The following MMP26 variants were observed in gnomAD, a reference collection of about 807,000 sequenced individuals.
MMP26 encodes matrix metalloproteinase-26.
In MMP26, 33 loss-of-function variants were observed where a neutral mutation model predicts 31.0. The observed-to-expected ratio is 1.06, with a 90% CI of 0.81 to 1.42. The LOEUF (loss-of-function observed/expected upper bound fraction) is 1.42. Ranked by LOEUF, MMP26 falls within the 40% of genes most tolerant of loss-of-function variation. MMP26 has a pLI of 0.00. For synonymous variants in MMP26, 122 were observed against 114.9 expected (o/e 1.06, Z -0.40); for missense variants, 347 against 316.1 (o/e 1.10, Z -0.74).
At chr11:4,792,585 G>C (rs1220574540) in intron 2 of MMP26, among the ~76,000 whole-genome samples, 1 of 152,132 alleles carries the variant, frequency 6.6e-6, no homozygotes, top group Non-Finnish European at 1.5e-5. Context: ...CAGAATAAGA[G>C]AACACACACC....
At chr11:4,746,512 C>A (rs892841722) in intron 1 of MMP26, among the ~76,000 whole-genome samples, 2 of 152,086 alleles carry the variant, frequency 1.3e-5, no homozygotes, top group Non-Finnish European at 2.9e-5. Context: ...ACAGTAGGCG[C>A]TAAATACATG....
At chr11:4,903,190 TCGGA>T (rs1850828557) in intron 2 of MMP26, among the ~76,000 whole-genome samples, 1 of 152,114 alleles carries the variant, frequency 6.6e-6, no homozygotes, top group Non-Finnish European at 1.5e-5. Context: ...AGGATACTCC[TCGGA>T]CGGTTCTAGT....
intron 2 of MMP26, among the ~76,000 whole-genome samples, chr11:4,896,066 C>T (rs567086247): frequency 6.7e-6 from 1 of 149,636 alleles, no homozygotes; most frequent in South Asian, 2.1e-4. Context: ...TTGTTTTTTA[C>T]CTCTAAGTTC....
chr11:4,823,983 T>A (rs1436050581), intron 2 of MMP26, among the ~76,000 whole-genome samples: 2 of 152,180 alleles, frequency 1.3e-5, no homozygotes, highest in African/African-American at 4.8e-5. Context: ...TAACCTTAGA[T>A]AACCTATATA....
intron 2 of MMP26, chr11:4,768,905 G>C: frequency 1.1e-6 from 1 of 922,836 alleles, no homozygotes; most frequent in Non-Finnish European, 1.6e-6. Flanking sequence ...GCAATAGGCA[G>C]TAAGAGAGCA....
chr11:4,864,854 A>G (rs1250691334), intron 2 of MMP26, among the ~76,000 whole-genome samples: 1 of 152,102 alleles, frequency 6.6e-6, no homozygotes, highest in African/African-American at 2.4e-5. Flanking sequence ...GTAATTTCCT[A>G]TTATCGGGAG....
intron 2 of MMP26, among the ~76,000 whole-genome samples, chr11:4,970,792 T>C (rs1041444508): frequency 6.6e-6 from 1 of 152,166 alleles, no homozygotes; most frequent in Non-Finnish European, 1.5e-5. Context: ...CCTCAGGTCA[T>C]CAGGCATTGT....
At chr11:4,707,510 A>AT (rs1230827837) in intron 1 of MMP26, among the ~76,000 whole-genome samples, 1 of 152,164 alleles carries the variant, frequency 6.6e-6, no homozygotes, top group African/African-American at 2.4e-5. Context: ...CTGCTTCCTC[A>AT]TTTTTAAAAT....
chr11:4,952,112 C>G (rs550722547), intron 2 of MMP26, among the ~76,000 whole-genome samples: 1 of 124,670 alleles, frequency 8.0e-6, no homozygotes, highest in South Asian at 2.4e-4. Context: ...TTCTTCATTT[C>G]AGGAACATGT....
intron 2 of MMP26, among the ~76,000 whole-genome samples, chr11:4,785,868 C>G (rs1433323398): frequency 6.6e-6 from 1 of 152,180 alleles, no homozygotes; most frequent in Non-Finnish European, 1.5e-5. Flanking sequence ...TCTAATAGAT[C>G]TGTTCAGGGA....
chr11:4,804,517 A>G (rs1412565337), intron 2 of MMP26: 2 of 792,928 alleles, frequency 2.5e-6, no homozygotes, highest in South Asian at 2.7e-5. Context: ...TTGATTATAA[A>G]CTAGAATAAT....
In MMP26 at chr11:4,704,843, G is replaced by T. The variant is rs572549386; in HGVS notation, c.-419G>T. On this transcript the variant is annotated 5_prime_UTR_variant, in exon 1 of 8. Transcript: ENST00000380390. Reference sequence around the variant, plus strand: ...TCTCCTGGCAGAAGAGGACCTCTTTGTCCAGGGGCAGGGCTGATCAGGGGC... The same window carrying T: ...TCTCCTGGCAGAAGAGGACCTCTTTTTCCAGGGGCAGGGCTGATCAGGGGC... 5.3e-5 allele frequency: 8 copies of T among 152,270 alleles called. No homozygotes were observed. The South Asian group carries it at 1.5e-3, about 28-fold the overall frequency. 9.4% of individuals were successfully genotyped at this position (152,270 alleles called of 1,614,324 possible). A position where few individuals can be genotyped will look rare whatever the true frequency, so the allele number is the denominator to read the frequency against.
intron 2 of MMP26, chr11:4,945,258 A>C (rs1025468377): frequency 6.6e-6 from 1 of 152,172 alleles, no homozygotes; most frequent in Non-Finnish European, 1.5e-5. Flanking sequence ...AAAAATAGAA[A>C]TGCATTATAC....
chr11:4,706,175 C>G (rs915082987), intron 1 of MMP26, among the ~76,000 whole-genome samples: 3 of 152,144 alleles, frequency 2.0e-5, no homozygotes, highest in Non-Finnish European at 2.9e-5. Flanking sequence ...TACATTACCA[C>G]TAATTTTATT....
intron 1 of MMP26, among the ~76,000 whole-genome samples, chr11:4,724,530 C>T (rs1848069812): frequency 6.6e-6 from 1 of 152,110 alleles, no homozygotes; most frequent in South Asian, 2.1e-4. Context: ...TTTACTATTT[C>T]CCTTGTGAAA....
intron 2 of MMP26, among the ~76,000 whole-genome samples, chr11:4,771,372 G>A (rs1848717434): frequency 6.6e-6 from 1 of 152,122 alleles, no homozygotes; most frequent in South Asian, 2.1e-4. Context: ...TAAGGAAATT[G>A]TTACCTTTTT....
intron 2 of MMP26, chr11:4,821,908 C>G (rs1463693706): frequency 6.2e-7 from 1 of 1,613,904 alleles, no homozygotes; most frequent in African/African-American, 1.3e-5. Flanking sequence ...GCCAGTCATG[C>G]TCTTTGTCAA....
At chr11:4,924,697 C>T (rs1474072429) in intron 2 of MMP26, among the ~76,000 whole-genome samples, 1 of 152,052 alleles carries the variant, frequency 6.6e-6, no homozygotes, top group Non-Finnish European at 1.5e-5. Context: ...GCAGTTAAGC[C>T]AGGACTGGAT....
intron 2 of MMP26, among the ~76,000 whole-genome samples, chr11:4,850,808 A>G (rs1329142627): frequency 1.3e-5 from 2 of 151,520 alleles, no homozygotes; most frequent in East Asian, 3.9e-4. Context: ...AAAAGCAATA[A>G]ATAGAAACAG....
Sources: allele counts gnomAD v4.1 joint callset (sites outside exome capture counted in the v4.1 genomes callset), GRCh38; gene constraint gnomAD v4.1.1; transcripts MANE v1.5; gene names NCBI Gene and HGNC (gene_info 2026-07-23, HGNC 2026-07-21).